The following SUCLG2 variants were observed in gnomAD, a reference collection of about 807,000 sequenced individuals.
The protein encoded by SUCLG2 is succinate--CoA ligase [GDP-forming] subunit beta, mitochondrial.
In SUCLG2, 42 loss-of-function variants were observed where a neutral mutation model predicts 47.9. The ratio of observed to expected loss-of-function variants is 0.88; its 90% CI spans 0.69 to 1.14. The LOEUF (loss-of-function observed/expected upper bound fraction) is 1.14, where lower values mean the gene tolerates loss of function less well. Among genes scored for constraint, SUCLG2 ranks in the 50% most tolerant of loss-of-function variants. SUCLG2 has a pLI of 0.00. For synonymous variants in SUCLG2, 195 were observed against 197.3 expected, an observed-to-expected ratio of 0.99 and a Z score of 0.10; for missense variants, 571 against 525.9, an observed-to-expected ratio of 1.09 and a Z score of -0.84.
intron 9 of SUCLG2, among the ~76,000 whole-genome samples, chr3:67,448,020 C>T (rs1174340930): frequency 2.0e-5 from 3 of 152,178 alleles, no homozygotes; most frequent in Non-Finnish European, 4.4e-5. Flanking sequence ...TGACCCACCG[C>T]ACCCGGCTGA....
intron 10 of SUCLG2, among the ~76,000 whole-genome samples, chr3:67,395,801 CAG>C (rs1702511726): frequency 6.6e-6 from 1 of 152,040 alleles, no homozygotes; most frequent in East Asian, 1.9e-4. Flanking sequence ...AGTAAAAGAA[CAG>C]AAATTATAAC....
Position 67,400,639 on chromosome 3 carries a change from T to C in SUCLG2, c.1183+92A>G, listed in dbSNP as rs146692260. On this transcript the variant is annotated intron_variant, in intron 10 of 10. Transcript: ENST00000307227. ...TCTTACACAATCTAGTGTTTCGTTC[T>C]GTTATCTCAGGAAGTTTGTGAATCC... 9.4e-4 allele frequency: 1,452 copies of C among 1,539,478 alleles called. 26 individuals carry two copies. The East Asian group carries it at 0.029, about 31-fold the overall frequency.
chr3:67,626,947 T>C (rs1361346211), intron 1 of SUCLG2, among the ~76,000 whole-genome samples: 2 of 132,906 alleles, frequency 1.5e-5, no homozygotes, highest in African/African-American at 2.8e-5. Flanking sequence ...GCATAATACA[T>C]CAGACAGACG....
chr3:67,400,811 T>C lies in SUCLG2; in HGVS notation c.1103A>G (p.Asn368Ser), dbSNP rs1702666646. The change falls in exon 10 of 11, where the codon AAC becomes AGC. Residue 368 changes from asparagine (N) to serine (S), a missense_variant. Coordinates refer to ENST00000307227, the MANE Select transcript of SUCLG2 (RefSeq NM_003848.4). ...ILVNIFGGIV[N>S]CAIIANGITK... is the part of the protein sequence containing the mutation. ...GATCCCATTGGCAATGATGGCACAGTTGACGATACCACCAAATATATTGAC... is the reference window on the plus strand; with the variant it reads ...GATCCCATTGGCAATGATGGCACAGCTGACGATACCACCAAATATATTGAC... The C allele has an allele frequency of 4.3e-6, 7 of 1,612,798 alleles. No individual in the cohort carries two copies. The highest frequency in any genetic ancestry group is 5.9e-6 in the Non-Finnish European group (7 of 1,179,918).
intron 2 of SUCLG2, among the ~76,000 whole-genome samples, chr3:67,556,096 A>T (rs1251513420): frequency 6.6e-6 from 1 of 152,208 alleles, no homozygotes; most frequent in Admixed American, 6.5e-5. Context: ...ACTTTTTTTT[A>T]AAACTATCAA....
intron 2 of SUCLG2, among the ~76,000 whole-genome samples, chr3:67,588,964 C>T (rs908569748): frequency 6.6e-6 from 1 of 152,158 alleles, no homozygotes; most frequent in Non-Finnish European, 1.5e-5. Flanking sequence ...AAAATCCAAG[C>T]CCCTTACAGG....
chr3:67,542,769 C>A (rs1706752959), intron 2 of SUCLG2, among the ~76,000 whole-genome samples: 1 of 152,140 alleles, frequency 6.6e-6, no homozygotes, highest in Non-Finnish European at 1.5e-5. Context: ...ACAAGAAGAG[C>A]TAACCATCCT....
At chr3:67,452,508 C>T (rs1404623273) in intron 9 of SUCLG2, among the ~76,000 whole-genome samples, 1 of 152,150 alleles carries the variant, frequency 6.6e-6, no homozygotes, top group East Asian at 1.9e-4. Context: ...AATACTTTTA[C>T]TTCTATTAGT....
chr3:67,548,672 TA>T (rs1464885670), intron 2 of SUCLG2, among the ~76,000 whole-genome samples: 2 of 152,210 alleles, frequency 1.3e-5, no homozygotes, highest in Non-Finnish European at 2.9e-5. Flanking sequence ...CCCAAATCAA[TA>T]AATCTATTAT....
At chr3:67,560,405 T>C (rs1171056833) in intron 2 of SUCLG2, among the ~76,000 whole-genome samples, 1 of 152,180 alleles carries the variant, frequency 6.6e-6, no homozygotes, top group African/African-American at 2.4e-5. Context: ...TTGTGCTACT[T>C]TGCTATGGCA....
At chr3:67,597,614 A>G (rs1238550804) in intron 2 of SUCLG2, among the ~76,000 whole-genome samples, 1 of 152,066 alleles carries the variant, frequency 6.6e-6, no homozygotes, top group African/African-American at 2.4e-5. Flanking sequence ...CTTCATTTAA[A>G]AGCTGCAAGA....
At position 67,495,873 on chromosome 3, in the gene SUCLG2, G is replaced by T. The variant is rs773490876; in HGVS notation, c.987C>A (p.Asn329Lys). The T allele has an allele frequency of 6.2e-7, 1 of 1,614,062 alleles. No individual in the cohort carries two copies. Among genetic ancestry groups the T allele is most frequent in the South Asian group, 1.1e-5 (1 of 91,072 alleles). Residue 329 changes from asparagine to lysine, a missense_variant, in exon 9 of 11, where the codon AAC becomes AAA. Coordinates refer to ENST00000307227, the MANE Select transcript of SUCLG2 (RefSeq NM_003848.4). ...TTACACCACCTCCAAGATCCAAGAAGTTGGCTGGCTTCCCACCATTAAGGA... is the reference window on the plus strand; with the variant it reads ...TTACACCACCTCCAAGATCCAAGAATTTGGCTGGCTTCCCACCATTAAGGA... ...IIFLNGGKPA[N>K]FLDLGGGVKE...
chr3:67,380,762 CA>C (rs1702141675), intron 10 of SUCLG2, among the ~76,000 whole-genome samples: 1 of 151,552 alleles, frequency 6.6e-6, no homozygotes, highest in Admixed American at 6.6e-5. Flanking sequence ...GGGAATAGCT[CA>C]AAAAGGAACA....
At chr3:67,366,388 G>A (rs1279217258) in intron 10 of SUCLG2, among the ~76,000 whole-genome samples, 1 of 152,070 alleles carries the variant, frequency 6.6e-6, no homozygotes, top group Non-Finnish European at 1.5e-5. Context: ...GTGGAAAGTT[G>A]CATTGCTTCT....
chr3:67,416,141 G>T (rs9833837), intron 9 of SUCLG2, among the ~76,000 whole-genome samples: 1 of 152,156 alleles, frequency 6.6e-6, no homozygotes, highest in African/African-American at 2.4e-5. Flanking sequence ...AGCCTCATGA[G>T]AGACCCTGAG....
intron 9 of SUCLG2, among the ~76,000 whole-genome samples, chr3:67,433,851 C>T (rs1703548290): frequency 6.6e-6 from 1 of 151,118 alleles, no homozygotes; most frequent in Non-Finnish European, 1.5e-5. Context: ...TAGCCTAGCT[C>T]TACAAAAACA....
rs141039216 is a variant in SUCLG2, at chr3:67,504,060, C to G, written c.757+4747G>C. On this transcript the variant is annotated intron_variant, in intron 7 of 10. Coordinates refer to ENST00000307227, the MANE Select transcript of SUCLG2 (RefSeq NM_003848.4). The stretch of plus-strand genomic sequence containing the variant: ...GTTTGAAAAATAATCTGTCTTCAAG[C>G]AACGTACTGCGTTTGATTTGTGATA... Among the ~76,000 whole-genome samples, 223 of 152,284 alleles carry G rather than the reference C, an allele frequency of 1.5e-3. 2 individuals are homozygous for G. The highest frequency in any genetic ancestry group is 3.4e-3 in the Middle Eastern group (1 of 294).
Position 67,640,670 on chromosome 3 carries a change from C to T in SUCLG2, c.84+13833G>A, listed in dbSNP as rs140531694. 2.5e-3 allele frequency among the ~76,000 whole-genome samples: 385 copies of T among 152,296 alleles called. 5 individuals carry two copies. Among genetic ancestry groups the T allele is most frequent in the Admixed American group, 0.018 (280 of 15,302 alleles). On this transcript the variant is annotated intron_variant, in intron 1 of 10. Coordinates refer to ENST00000307227, the MANE Select transcript of SUCLG2 (RefSeq NM_003848.4). ...ACCACTATTTGCCTATTGGCATAAC[C>T]GCACCCACTTTTTATCATGCTCCTT...
chr3:67,651,782 G>A (rs780195048), intron 1 of SUCLG2, among the ~76,000 whole-genome samples: 2 of 152,102 alleles, frequency 1.3e-5, no homozygotes, highest in South Asian at 2.1e-4. Flanking sequence ...AAAAAATTAT[G>A]CCAATCAAAA....
Sources: allele counts gnomAD v4.1 joint callset (sites outside exome capture counted in the v4.1 genomes callset), GRCh38; gene constraint gnomAD v4.1.1; transcripts MANE v1.5; gene names NCBI Gene and HGNC (gene_info 2026-07-23, HGNC 2026-07-21).